PCDH15: variants seen among roughly 807,000 people sequenced by gnomAD.
The protein encoded by PCDH15 is protocadherin-15.
A neutral mutation model predicts 178.5 loss-of-function variants in PCDH15; 129 were observed. The observed-to-expected ratio is 0.72, with a 90% CI of 0.63 to 0.84. The LOEUF (loss-of-function observed/expected upper bound fraction) is 0.84. Among genes scored for constraint, PCDH15 ranks in the 40% least tolerant of loss-of-function variants. PCDH15 has a pLI of 0.00. For synonymous variants in PCDH15, 800 were observed against 732.0 expected (o/e 1.09, Z -1.50); for missense variants, 2,230 against 2,099.9 (o/e 1.06, Z -1.21).
At chr10:55,276,924 T>C (rs945112332) in intron 1 of PCDH15, among the ~76,000 whole-genome samples, 1 of 152,058 alleles carries the variant, frequency 6.6e-6, no homozygotes, top group African/African-American at 2.4e-5. Flanking sequence ...AAGCAGAGGA[T>C]AAAGCTTTCC....
intron 3 of PCDH15, among the ~76,000 whole-genome samples, chr10:54,835,439 T>A (rs1413452550): frequency 6.6e-6 from 1 of 152,158 alleles, no homozygotes; most frequent in African/African-American, 2.4e-5. Context: ...ACACACAGTA[T>A]TTTTTATGTA....
intron 8 of PCDH15, among the ~76,000 whole-genome samples, chr10:54,275,640 T>TA (rs1281762927): frequency 6.6e-5 from 10 of 151,616 alleles, no homozygotes; most frequent in African/African-American, 2.4e-4. Flanking sequence ...ACCAAAATAC[T>TA]AAAAAAATGT....
chr10:54,570,817 A>AATTTTTTTTTTTTTT (rs571170500), intron 2 of PCDH15, among the ~76,000 whole-genome samples: 3 of 9,972 alleles, frequency 3.0e-4, no homozygotes, highest in Non-Finnish European at 4.4e-4. Context: ...ACGCCTGGCT[A>AATTTTTTTTTTTTTT]TTTTTTTTTT....
intron 2 of PCDH15, among the ~76,000 whole-genome samples, chr10:55,089,936 AC>A (rs1242947780): frequency 6.6e-6 from 1 of 152,110 alleles, no homozygotes; most frequent in Non-Finnish European, 1.5e-5. Context: ...AATTGTTCTA[AC>A]TTTTAGTTAC....
At chr10:54,668,139 T>C (rs2094601795) in intron 1 of PCDH15, among the ~76,000 whole-genome samples, 2 of 152,044 alleles carry the variant, frequency 1.3e-5, no homozygotes, top group Admixed American at 1.3e-4. Flanking sequence ...ATTCAACAAG[T>C]ACTTATGGAG....
intron 2 of PCDH15, among the ~76,000 whole-genome samples, chr10:55,059,711 T>C (rs781414703): frequency 6.6e-6 from 1 of 152,090 alleles, no homozygotes. Context: ...CATTAATCTA[T>C]ATTTGAGAGA....
At chr10:54,956,338 G>A (rs1288974929) in intron 2 of PCDH15, among the ~76,000 whole-genome samples, 1 of 151,348 alleles carries the variant, frequency 6.6e-6, no homozygotes, top group Non-Finnish European at 1.5e-5. Context: ...TAAACAATGA[G>A]TTATATAAAC....
intron 2 of PCDH15, among the ~76,000 whole-genome samples, chr10:55,010,340 A>G (rs1310547624): frequency 6.6e-6 from 1 of 152,198 alleles, no homozygotes. Flanking sequence ...TAAGCAGCAA[A>G]GACAGGCAAA....
At chr10:55,525,104 G>A (rs1437691091) in intron 2 of PCDH15, among the ~76,000 whole-genome samples, 2 of 151,758 alleles carry the variant, frequency 1.3e-5, no homozygotes, top group East Asian at 1.9e-4. Context: ...ACCCAGAAAA[G>A]AATGCATCAC....
At chr10:54,145,344 T>A (rs12268711) in intron 14 of PCDH15, among the ~76,000 whole-genome samples, 2,346 of 152,190 alleles carry the variant, frequency 0.015, 74 homozygotes, top group African/African-American at 0.054. Context: ...CATTTCTAGC[T>A]TATTTCTAAG....
intron 3 of PCDH15, among the ~76,000 whole-genome samples, chr10:54,392,264 A>C (rs1049070715): frequency 2.8e-5 from 4 of 144,000 alleles, no homozygotes; most frequent in African/African-American, 1.0e-4. Flanking sequence ...CAGGAGTTCA[A>C]GGTCAGTCTG....
rs545156760 is a variant in PCDH15, at chr10:54,442,301, G to A, written c.158-63359C>T. On this transcript the variant is annotated intron_variant, in intron 3 of 37. Transcript: ENST00000644397. ...ATCTCAGAAATCTTGGGGATAAACCGTGGATTAAATCCATAAATTCATAAA... is the reference window on the plus strand; with the variant it reads ...ATCTCAGAAATCTTGGGGATAAACCATGGATTAAATCCATAAATTCATAAA... Among the ~76,000 whole-genome samples, 34 of 148,698 alleles carry A rather than the reference G, an allele frequency of 2.3e-4. No individual in the cohort carries two copies. The East Asian group carries it at 5.3e-3, about 23-fold the overall frequency.
chr10:54,893,227 T>A (rs1166881724), intron 3 of PCDH15, among the ~76,000 whole-genome samples: 2 of 151,894 alleles, frequency 1.3e-5, no homozygotes, highest in African/African-American at 2.4e-5. Flanking sequence ...TAAAAAATTC[T>A]AAAAATTACA....
At chr10:54,336,439 G>T (rs1246625621) in intron 6 of PCDH15, among the ~76,000 whole-genome samples, 1 of 152,142 alleles carries the variant, frequency 6.6e-6, no homozygotes, top group Non-Finnish European at 1.5e-5. Flanking sequence ...GCCAGGTCCT[G>T]GACCCCCCTT....
intron 2 of PCDH15, among the ~76,000 whole-genome samples, chr10:54,977,186 T>C (rs1447783655): frequency 6.6e-6 from 1 of 152,156 alleles, no homozygotes; most frequent in Non-Finnish European, 1.5e-5. Context: ...CCATCTTGCA[T>C]AGGGTCTGGG....
intron 2 of PCDH15, among the ~76,000 whole-genome samples, chr10:54,559,866 AAAAAAAAAGAAAAG>A (rs1464219101): frequency 0.024 from 1,409 of 57,796 alleles, 18 homozygotes; most frequent in East Asian, 0.083. Context: ...AAAAAAAAAA[AAAAAAAAAGAAAAG>A]AAAAGGTGGT....
chr10:54,142,646 C>T (rs543140443), intron 14 of PCDH15, among the ~76,000 whole-genome samples: 10 of 151,868 alleles, frequency 6.6e-5, no homozygotes, highest in Non-Finnish European at 1.3e-4. Context: ...AATAGATAAT[C>T]GTAAAAGGCT....
chr10:55,405,577 C>A lies in PCDH15; in HGVS notation c.-156+222048G>T, dbSNP rs114461424. 7.9e-3 allele frequency among the ~76,000 whole-genome samples: 1,196 copies of A among 151,382 alleles called. 14 individuals carry two copies. The highest frequency in any genetic ancestry group is 0.026 in the African/African-American group (1,074 of 41,352). Reference sequence around the variant, plus strand: ...TTTGGAATTAACATGCAACTAATTACAAAAGGTGTTTTAACATAATTTGTA... The same window carrying A: ...TTTGGAATTAACATGCAACTAATTAAAAAAGGTGTTTTAACATAATTTGTA... On this transcript the variant is annotated intron_variant, in intron 2 of 5. Transcript: ENST00000613346.
At position 53,943,497 on chromosome 10, in the gene PCDH15, C is replaced by CA. The variant is rs1299762324; in HGVS notation, c.3123-2523dup. ...TCTCAAAAAAACAAAAACAAACAAA[C>CA]AAACAAAAAAAACAAAACAGAAAAG... On this transcript the variant is annotated intron_variant, in intron 23 of 37. Transcript: ENST00000644397. Among the ~76,000 whole-genome samples the CA allele has an allele frequency of 3.6e-3, 528 of 147,442 alleles. 3 individuals are homozygous for CA. The highest frequency in any genetic ancestry group is 0.012 in the African/African-American group (489 of 39,340).
Sources: allele counts gnomAD v4.1 joint callset (sites outside exome capture counted in the v4.1 genomes callset), GRCh38; gene constraint gnomAD v4.1.1; transcripts MANE v1.5; gene names NCBI Gene and HGNC (gene_info 2026-07-23, HGNC 2026-07-21).